Variants in NDUFAF6 observed in about 807,000 individuals in gnomAD.
NDUFAF6 encodes the protein NADH dehydrogenase (ubiquinone) complex I, assembly factor 6.
NDUFAF6 carries 45 observed loss-of-function variants against 40.8 expected under a neutral mutation model. The ratio of observed to expected loss-of-function variants is 1.10; its 90% CI spans 0.87 to 1.42. The LOEUF (loss-of-function observed/expected upper bound fraction) is 1.42, where lower values mean the gene tolerates loss of function less well. NDUFAF6 is among the 40% of genes most tolerant of loss of function. NDUFAF6 has a pLI of 0.00. For missense variants in NDUFAF6, 435 were observed against 418.5 expected, an observed-to-expected ratio of 1.04 and a Z score of -0.34; for synonymous variants, 185 against 155.9, an observed-to-expected ratio of 1.19 and a Z score of -1.39.
chr8:94,996,931 G>C (rs1042735503), intron 2 of NDUFAF6, among the ~76,000 whole-genome samples: 7 of 151,556 alleles, frequency 4.6e-5, no homozygotes, highest in Non-Finnish European at 7.4e-5. Flanking sequence ...TGGACCTCCA[G>C]CCTCCAGAAC....
At chr8:94,909,348 C>CAAAAAAAAAAAAAA (rs556065794) in intron 1 of NDUFAF6, among the ~76,000 whole-genome samples, 20 of 91,912 alleles carry the variant, frequency 2.2e-4, no homozygotes, top group African/African-American at 3.6e-4. Context: ...GACTCCGTCT[C>CAAAAAAAAAAAAAA]AAAAAAAAAA....
chr8:94,909,842 A>ATG (rs945545674), intron 1 of NDUFAF6, among the ~76,000 whole-genome samples: 2 of 151,508 alleles, frequency 1.3e-5, no homozygotes, highest in Non-Finnish European at 2.9e-5. Flanking sequence ...ATATATATAT[A>ATG]AAAGAATTAC....
At chr8:95,090,047 A>G (rs1380814464) in intron 2 of NDUFAF6, among the ~76,000 whole-genome samples, 1 of 152,126 alleles carries the variant, frequency 6.6e-6, no homozygotes, top group Non-Finnish European at 1.5e-5. Flanking sequence ...TCCCGGCAAG[A>G]GGTGGGAGGG....
chr8:94,983,417 A>G (rs1825607616), intron 2 of NDUFAF6, among the ~76,000 whole-genome samples: 1 of 151,824 alleles, frequency 6.6e-6, no homozygotes, highest in South Asian at 2.1e-4. Flanking sequence ...GGTGTGCGCC[A>G]CCACTGCCTG....
chr8:94,907,151 G>A (rs1004893041), intron 1 of NDUFAF6, among the ~76,000 whole-genome samples: 3 of 151,230 alleles, frequency 2.0e-5, no homozygotes, highest in South Asian at 4.2e-4. Context: ...TCTCTCCTGC[G>A]GTTACTCTAG....
At chr8:94,949,760 A>G (rs1202999732) in intron 2 of NDUFAF6, among the ~76,000 whole-genome samples, 1 of 151,930 alleles carries the variant, frequency 6.6e-6, no homozygotes, top group Non-Finnish European at 1.5e-5. Flanking sequence ...CCTCTCGCCG[A>G]GTGAAGGGTC....
downstream of NDUFAF6, among the ~76,000 whole-genome samples, chr8:95,077,206 G>A (rs573504370): frequency 3.3e-5 from 5 of 152,326 alleles, no homozygotes; most frequent in South Asian, 1.0e-3. Flanking sequence ...AGACTACCCA[G>A]CCTGTGGCAT....
intron 1 of NDUFAF6, among the ~76,000 whole-genome samples, chr8:94,917,747 T>C (rs574299473): frequency 6.6e-6 from 1 of 152,334 alleles, no homozygotes; most frequent in South Asian, 2.1e-4. Context: ...ATCCTGCTCT[T>C]TGTCAAATCC....
intron 1 of NDUFAF6, among the ~76,000 whole-genome samples, chr8:94,935,326 TCCA>T (rs1820876156): frequency 6.6e-6 from 1 of 152,148 alleles, no homozygotes; most frequent in Non-Finnish European, 1.5e-5. Flanking sequence ...CAGGAAACAT[TCCA>T]CTAAGGTACA....
At chr8:95,061,158 A>ACTTATGTTAAAAGAAACAGAATGTT (rs1173367287), downstream of NDUFAF6, among the ~76,000 whole-genome samples, 12 of 152,182 alleles carry the variant, frequency 7.9e-5, no homozygotes, top group Admixed American at 4.6e-4. Flanking sequence ...TTTGCCTTTA[A>ACTTATGTTAAAAGAAACAGAATGTT]CTTATGTAAA....
At chr8:95,020,423 C>G (rs945067949), upstream of NDUFAF6, among the ~76,000 whole-genome samples, 11 of 152,172 alleles carry the variant, frequency 7.2e-5, no homozygotes, top group African/African-American at 2.7e-4. Flanking sequence ...CTGATTTGCT[C>G]TTTCAGTCAC....
intron 2 of NDUFAF6, among the ~76,000 whole-genome samples, chr8:95,084,555 T>C (rs1808977875): frequency 6.6e-6 from 1 of 152,146 alleles, no homozygotes; most frequent in Non-Finnish European, 1.5e-5. Context: ...CTGGCTAGAG[T>C]TAACTTGTGA....
At position 94,946,696 on chromosome 8, in the gene NDUFAF6, CAAAA is replaced by C. The variant is rs71273438; in HGVS notation, c.-799+1098_-799+1101del. 6.3e-3 allele frequency among the ~76,000 whole-genome samples: 220 copies of C among 34,682 alleles called. 3 individuals carry two copies. Among genetic ancestry groups the C allele is most frequent in the South Asian group, 0.023 (10 of 434 alleles). 22.8% of individuals were successfully genotyped at this position (34,682 alleles called of 152,430 possible). A position where few individuals can be genotyped will look rare whatever the true frequency, so the allele number is the denominator to read the frequency against. On this transcript the variant is annotated intron_variant, in intron 2 of 14. Transcript: ENST00000396113. ...TGGTCAACAGAGTAAGACCCTGTCT[CAAAA>C]AAAAAAAAAAAAAAAAAAAAGACAG...
chr8:94,964,021 A>G (rs1375523901), intron 1 of NDUFAF6, among the ~76,000 whole-genome samples: 3 of 152,270 alleles, frequency 2.0e-5, no homozygotes, highest in South Asian at 2.1e-4. Context: ...GGCTGTGCTA[A>G]AATTCTGTGG....
intron 1 of NDUFAF6, among the ~76,000 whole-genome samples, chr8:94,911,361 A>G (rs1271796341): frequency 1.3e-5 from 2 of 152,262 alleles, no homozygotes; most frequent in Admixed American, 6.5e-5. Context: ...ACCTCACAGT[A>G]TATAATTAAA....
At chr8:95,011,015 C>T (rs1827206162) in intron 2 of NDUFAF6, among the ~76,000 whole-genome samples, 1 of 152,204 alleles carries the variant, frequency 6.6e-6, no homozygotes, top group Non-Finnish European at 1.5e-5. Context: ...ATGCCCTTGT[C>T]TACCGCCTGC....
chr8:94,981,608 G>A (rs369371210), intron 2 of NDUFAF6, among the ~76,000 whole-genome samples: 2 of 152,046 alleles, frequency 1.3e-5, no homozygotes, highest in South Asian at 2.1e-4. Context: ...AGTTATGTGA[G>A]CCAATACATT....
chr8:95,043,529 CTCAAG>C (rs1235118761), intron 4 of NDUFAF6, among the ~76,000 whole-genome samples: 1 of 151,840 alleles, frequency 6.6e-6, no homozygotes, highest in African/African-American at 2.4e-5. Flanking sequence ...ACTCTTACAA[CTCAAG>C]AATAAAAAAA....
Position 95,057,946 on chromosome 8 carries a change from C to A in NDUFAF6, c.*9C>A. On this transcript the variant is annotated 3_prime_UTR_variant, in exon 9 of 9. Transcript: ENST00000396124. ...GGAGAAAAACATATTAAAATAATTT[C>A]ATGGCATTGATGTTAATTCTAGTCT... The A allele has an allele frequency of 6.6e-7, 1 of 1,515,652 alleles. No individual in the cohort carries two copies. Among genetic ancestry groups the A allele is most frequent in the South Asian group, 1.1e-5 (1 of 88,036 alleles). 93.9% of individuals were successfully genotyped at this position (1,515,652 alleles called of 1,614,324 possible).
Sources: allele counts gnomAD v4.1 joint callset (sites outside exome capture counted in the v4.1 genomes callset), GRCh38; gene constraint gnomAD v4.1.1; transcripts MANE v1.5; gene names NCBI Gene and HGNC (gene_info 2026-07-23, HGNC 2026-07-21).